Variants in AK1 observed in about 807,000 individuals in gnomAD.
AK1 encodes the protein adenylate kinase 1.
A neutral mutation model predicts 23.9 loss-of-function variants in AK1; 13 were observed. The ratio of observed to expected loss-of-function variants is 0.54; its 90% CI spans 0.35 to 0.86. AK1 has a LOEUF of 0.86. Among genes scored for constraint, AK1 ranks in the 40% least tolerant of loss-of-function variants. The pLI is 0.01. For synonymous variants in AK1, 97 were observed against 102.8 expected, an observed-to-expected ratio of 0.94 and a Z score of 0.34; for missense variants, 214 against 255.1, an observed-to-expected ratio of 0.84 and a Z score of 1.10.
chr9:127,872,552 T>C, intron 4 of AK1, 138 bp downstream of exon 4: 1 of 1,175,858 alleles, frequency 8.5e-7, no homozygotes, highest in African/African-American at 1.5e-5. Context: ...TCCAGGGCAA[T>C]GGGGAACCAC....
intron 1 of AK1, chr9:127,875,046 T>C (rs528486338): frequency 2.0e-5 from 5 of 252,400 alleles, no homozygotes; most frequent in Non-Finnish European, 4.0e-5. Flanking sequence ...CCCAGACACC[T>C]TGACAACGCT....
At position 127,871,889 on chromosome 9, in the gene AK1, A is replaced by G; in HGVS notation, c.258T>C (p.Thr86=). 1 of 1,614,176 alleles carries G rather than the reference A, an allele frequency of 6.2e-7. No homozygotes were observed. The highest frequency in any genetic ancestry group is 8.5e-7 in the Non-Finnish European group (1 of 1,180,020). The change falls in exon 5 of 7, where the codon ACT becomes ACC. Residue 86 remains threonine (T), a synonymous_variant. Coordinates refer to ENST00000644144, the MANE Select transcript of AK1 (RefSeq NM_000476.3). This position sits in a 1 kb window ranked among gnomAD's most constrained non-coding sequence, Gnocchi z 4.4. ...AGCCATCAATCAGGAAGCCTTTGGA[A>G]GTATTGACTTTGGCCACCATGGCAT... is the stretch of plus-strand genomic sequence containing the variant. The part of the protein sequence containing the change: ...LRDAMVAKVN[T]SKGFLIDGYP...
rs374460965 is a variant in AK1, at chr9:127,873,065, C to T, written c.8-4G>A. The T allele has an allele frequency of 2.4e-5, 39 of 1,613,582 alleles. No individual in the cohort carries two copies. Among genetic ancestry groups the T allele is most frequent in the African/African-American group, 1.7e-4 (13 of 74,902 alleles). ...ATCTTGGTTTTCTTCAGCTTCTCTG[C>T]GGGAGAGAAAAGGGGAGCAGGGCTC... On this transcript the variant is annotated splice_polypyrimidine_tract_variant and splice_region_variant and intron_variant, in intron 2 of 6. Coordinates refer to ENST00000644144, the MANE Select transcript of AK1 (RefSeq NM_000476.3).
chr9:127,867,825 G>A lies in AK1; in HGVS notation c.*183C>T. The A allele has an allele frequency of 1.6e-6, 1 of 621,156 alleles. No individual in the cohort carries two copies. Among genetic ancestry groups the A allele is most frequent in the Non-Finnish European group, 2.9e-6 (1 of 347,952 alleles). The allele number at this position is 621,156 out of a possible 1,614,324, so 38.5% of individuals were successfully genotyped here. Reference sequence around the variant, plus strand: ...AACTCCAACTGGAAGCAGAGAAAAAGCAGTAAAACCAAATGTCCTTAGAAA... The same window carrying A: ...AACTCCAACTGGAAGCAGAGAAAAAACAGTAAAACCAAATGTCCTTAGAAA... On this transcript the variant is annotated 3_prime_UTR_variant, in exon 7 of 7. Coordinates refer to ENST00000644144, the MANE Select transcript of AK1 (RefSeq NM_000476.3).
In AK1 at chr9:127,868,520, C is replaced by A. The variant is rs746291169; in HGVS notation, c.325-8G>T. 2 of 1,571,578 alleles carry A rather than the reference C, an allele frequency of 1.3e-6. No individual in the cohort carries two copies. The highest frequency in any genetic ancestry group is 1.7e-6 in the Non-Finnish European group (2 of 1,157,998). On this transcript the variant is annotated splice_polypyrimidine_tract_variant and splice_region_variant and intron_variant, in intron 5 of 6. Transcript: ENST00000644144. This position sits in a 1 kb window ranked among gnomAD's most constrained non-coding sequence, Gnocchi z 4.1. ...CAGTGTGGGCTGTCCAATCTGCAGG[C>A]GGGCACCATGTCACAGGGACCCCAT...
rs960837705 is a variant in AK1 at position 127,874,832 on chromosome 9, G to A, written c.-32-183C>T. 1.4e-5 allele frequency: 9 copies of A among 622,972 alleles called. No individual in the cohort carries two copies. In the East Asian group the frequency reaches 2.5e-4, roughly 18 times the overall value. 38.6% of individuals were successfully genotyped at this position (622,972 alleles called of 1,614,324 possible). The stretch of plus-strand genomic sequence containing the variant: ...CCTGAGAAAGCCACCTTGGGAAAGT[G>A]ACCTTGGAAAAGTCACCTTTCCTCT... On this transcript the variant is annotated intron_variant, in intron 1 of 6. Coordinates refer to ENST00000644144, the MANE Select transcript of AK1 (RefSeq NM_000476.3).
In AK1 at chr9:127,867,791, A is replaced by G. The variant is rs1302769789; in HGVS notation, c.*217T>C. 1.8e-6 allele frequency: 1 copy of G among 555,176 alleles called. No individual in the cohort carries two copies. The highest frequency in any genetic ancestry group is 3.3e-6 in the Non-Finnish European group (1 of 307,312). The allele number at this position is 555,176 out of a possible 1,614,324, so 34.4% of individuals were successfully genotyped here. A position where few individuals can be genotyped will look rare whatever the true frequency, so the allele number is the denominator to read the frequency against. Reference sequence around the variant, plus strand: ...GACTTGCGGCCAGGTAGGCACAAGCACATGAATCAACTCCAACTGGAAGCA... The same window carrying G: ...GACTTGCGGCCAGGTAGGCACAAGCGCATGAATCAACTCCAACTGGAAGCA... On this transcript the variant is annotated 3_prime_UTR_variant, in exon 7 of 7. Coordinates refer to ENST00000644144, the MANE Select transcript of AK1 (RefSeq NM_000476.3).
In AK1 at chr9:127,871,801, C is replaced by T. The variant is rs762906771; in HGVS notation, c.324+22G>A. On this transcript the variant is annotated intron_variant, in intron 5 of 6. Transcript: ENST00000644144. This position sits in a 1 kb window ranked among gnomAD's most constrained non-coding sequence, Gnocchi z 4.4. The stretch of plus-strand genomic sequence containing the variant: ...TATCCTGCCCCAGCCCACCAGGATC[C>T]CCACTTGGGTCAGTGCCTTACCCGT... 1.2e-6 allele frequency: 2 copies of T among 1,607,130 alleles called. No homozygotes were observed. The highest frequency in any genetic ancestry group is 1.7e-6 in the Non-Finnish European group (2 of 1,173,798).
intron 2 of AK1, chr9:127,873,868 T>C (rs1386086985): frequency 2.0e-6 from 2 of 985,308 alleles, no homozygotes; most frequent in Non-Finnish European, 2.4e-6. Flanking sequence ...TGCCCCTCTC[T>C]GGTTCTCTGC....
chr9:127,873,860 C>A, intron 2 of AK1: 1 of 985,418 alleles, frequency 1.0e-6, no homozygotes, highest in Non-Finnish European at 1.2e-6. Context: ...GAAAGGCCTG[C>A]CCCTCTCTGG....
At position 127,868,913 on chromosome 9, in the gene AK1, C is replaced by G. The variant is rs2070692; in HGVS notation, c.325-401G>C. 0.4 allele frequency among the ~76,000 whole-genome samples: 61,093 copies of G among 151,810 alleles called. 12,544 individuals carry two copies. Among genetic ancestry groups the G allele is most frequent in the African/African-American group, 0.45 (18,591 of 41,382 alleles). On this transcript the variant is annotated intron_variant, in intron 5 of 6. Coordinates refer to ENST00000644144, the MANE Select transcript of AK1 (RefSeq NM_000476.3). The surrounding 1 kb of genome is among the most constrained non-coding windows in gnomAD (Gnocchi z 4.1). Reference sequence around the variant, plus strand: ...CAGTGCGAAGCTCACTTCCTCAGGGCAGTCTCTCTGATGCCACCCCCCGCC... The same window carrying G: ...CAGTGCGAAGCTCACTTCCTCAGGGGAGTCTCTCTGATGCCACCCCCCGCC...
At chr9:127,870,516 T>A (rs1035311716) in intron 5 of AK1, among the ~76,000 whole-genome samples, 46 of 145,782 alleles carry the variant, frequency 3.2e-4, no homozygotes, top group African/African-American at 1.2e-3. Flanking sequence ...ATTAACTCTA[T>A]TTTCTAGATG....
At chr9:127,874,723 A>T in intron 1 of AK1, 74 bp from the exon 2 acceptor site, 3 of 1,433,438 alleles carry the variant, frequency 2.1e-6, no homozygotes, top group Non-Finnish European at 2.9e-6. Flanking sequence ...AGCCACACCC[A>T]AGGCAACTGG....
Position 127,868,440 on chromosome 9 carries a change from C to T in AK1, c.397G>A (p.Gly133Arg), listed in dbSNP as rs1241950656. 5.0e-6 allele frequency: 8 copies of T among 1,610,882 alleles called. No homozygotes were observed. The highest frequency in any genetic ancestry group is 6.8e-6 in the Non-Finnish European group (8 of 1,178,682). ...ETMTQRLLKRGETSGRVDDNE... is the reference protein window; with the variant it reads ...ETMTQRLLKRRETSGRVDDNE... The stretch of plus-strand genomic sequence containing the variant: ...TCGTCCACACGCCCGCTGGTCTCTC[C>T]ACGTTTCAAGAGCCGCTGGGTCATG... Residue 133 changes from glycine to arginine, a missense_variant, in exon 6 of 7, where the codon GGA (glycine) becomes AGA (arginine). Physicochemically the swap from Gly to Arg is moderately radical, Grantham distance 125. Transcript: ENST00000644144. This position sits in a 1 kb window ranked among gnomAD's most constrained non-coding sequence, Gnocchi z 4.1.
upstream of AK1, among the ~76,000 whole-genome samples, chr9:127,878,795 T>TC (rs1829590816): frequency 6.6e-6 from 1 of 152,144 alleles, no homozygotes; most frequent in Admixed American, 6.5e-5. Context: ...GACCTTAGTT[T>TC]CCCCATCTGT....
chr9:127,874,049 G>T lies in AK1; in HGVS notation c.7+562C>A, dbSNP rs1829481835. On this transcript the variant is annotated intron_variant, in intron 2 of 6. Transcript: ENST00000644144. ...TATTTGGAGCTCAGGCAGAGCAGCA[G>T]CAGCAGCAGCAGCAGGCCCGCTGGG... 3 of 985,268 alleles carry T rather than the reference G, an allele frequency of 3.0e-6. No individual in the cohort carries two copies. In the South Asian group the frequency reaches 1.4e-4, roughly 46 times the overall value. The allele number at this position is 985,268 out of a possible 1,614,324, so 61.0% of individuals were successfully genotyped here.
intron 2 of AK1, chr9:127,873,908 G>A (rs1313273850): frequency 2.1e-5 from 21 of 985,274 alleles, no homozygotes; most frequent in East Asian, 1.1e-4. Flanking sequence ...TGGGCTGGGC[G>A]GCTCCCAGGG....
At position 127,870,200 on chromosome 9, in the gene AK1, CT is replaced by C. The variant is rs36059128; in HGVS notation, c.324+1622del. On this transcript the variant is annotated intron_variant, in intron 5 of 6. Coordinates refer to ENST00000644144, the MANE Select transcript of AK1 (RefSeq NM_000476.3). ...TACAACAGCCCTGGAAGGGTGGGGA[CT>C]TTTTTTTTTTTTTTTTTTGAGACGG... Among the ~76,000 whole-genome samples, 121 of 122,284 alleles carry C rather than the reference CT, an allele frequency of 9.9e-4. 1 individual carries two copies. The highest frequency in any genetic ancestry group is 4.9e-3 in the Middle Eastern group (1 of 206). 80.2% of individuals were successfully genotyped at this position (122,284 alleles called of 152,430 possible).
rs562990748 is a variant in AK1, at chr9:127,873,141, T to C, written c.8-80A>G. 136 of 1,573,556 alleles carry C rather than the reference T, an allele frequency of 8.6e-5. 4 individuals carry two copies. In the South Asian group the frequency reaches 1.5e-3, roughly 18 times the overall value. The stretch of plus-strand genomic sequence containing the variant: ...AGGCACCTCTGGAGTCCCAGGCCTG[T>C]GCTGGGCCCCAGGCGGAGGGACAGA... On this transcript the variant is annotated intron_variant, in intron 2 of 6. Transcript: ENST00000644144.
Sources: allele counts gnomAD v4.1 joint callset (sites outside exome capture counted in the v4.1 genomes callset), GRCh38; gene constraint gnomAD v4.1.1; non-coding constraint Gnocchi (gnomAD v3.1); transcripts MANE v1.5; gene names NCBI Gene and HGNC (gene_info 2026-07-23, HGNC 2026-07-21).